KEL: variants seen among roughly 807,000 people sequenced by gnomAD.
The protein encoded by KEL is Kell metallo-endopeptidase (Kell blood group).
Under a neutral mutation model 99.5 loss-of-function variants are expected in KEL, and 96 were observed. The ratio of observed to expected loss-of-function variants is 0.97; its 90% CI spans 0.82 to 1.14. The LOEUF (loss-of-function observed/expected upper bound fraction) is 1.14. KEL is among the 50% of genes most tolerant of loss of function. KEL has a pLI of 0.00. For missense variants in KEL, 926 were observed against 924.2 expected, an observed-to-expected ratio of 1.00 and a Z score of -0.03; for synonymous variants, 355 against 354.8, an observed-to-expected ratio of 1.00 and a Z score of -0.01.
At chr7:142,959,862 G>A (rs1586272345) in intron 4 of KEL, among the ~76,000 whole-genome samples, 1 of 151,858 alleles carries the variant, frequency 6.6e-6, no homozygotes, top group Non-Finnish European at 1.5e-5. Flanking sequence ...CCAAAGAGAG[G>A]CCCCCTCCCA....
At chr7:142,949,131 G>A (rs1796609543) in intron 10 of KEL, among the ~76,000 whole-genome samples, 3 of 152,182 alleles carry the variant, frequency 2.0e-5, no homozygotes, top group Admixed American at 2.0e-4. Context: ...GTGGTTCAGT[G>A]ACACCAGTTG....
intron 9 of KEL, 126 bp downstream of exon 9, chr7:142,953,682 T>C: frequency 8.9e-7 from 1 of 1,120,008 alleles, no homozygotes; most frequent in Non-Finnish European, 1.3e-6. Context: ...AGGTGGCAGG[T>C]TCCTCTTATC....
Position 142,952,541 on chromosome 7 carries a change from T to C in KEL, c.1171A>G (p.Lys391Glu), listed in dbSNP as rs1397925796. Residue 391 changes from lysine to glutamate, a missense_variant, in exon 10 of 19, where the codon AAA becomes GAA. Lys to Glu is a moderately conservative substitution (Grantham distance 56). Coordinates refer to ENST00000355265, the MANE Select transcript of KEL (RefSeq NM_000420.3). Reference sequence around the variant, plus strand: ...GGTTGCTCTGTCAGTTCCCGCAGTTTCTGGCTGAGCTTTCTGCGTGCCTCC... The same window carrying C: ...GGTTGCTCTGTCAGTTCCCGCAGTTCCTGGCTGAGCTTTCTGCGTGCCTCC... ...FQEARRKLSQKLRELTEQPPM... is the reference protein window; with the variant it reads ...FQEARRKLSQELRELTEQPPM... 2 of 1,613,984 alleles carry C rather than the reference T, an allele frequency of 1.2e-6. No individual in the cohort carries two copies. Among genetic ancestry groups the C allele is most frequent in the African/African-American group, 2.7e-5 (2 of 74,912 alleles).
At chr7:142,962,001 G>T in intron 1 of KEL, 129 bp from the exon 2 acceptor site, 1 of 1,609,594 alleles carries the variant, frequency 6.2e-7, no homozygotes, top group Admixed American at 1.7e-5. Context: ...TTTTTATCTC[G>T]GAGCAGTGTT....
Position 142,958,444 on chromosome 7 carries a change from G to A in KEL, c.401-16C>T. ...TTCTGGACCTCTAGAAAGGAAGCAT[G>A]GGAGTGAGGACTAAACTCTGATTTT... On this transcript the variant is annotated splice_polypyrimidine_tract_variant and intron_variant, in intron 4 of 18. Coordinates refer to ENST00000355265, the MANE Select transcript of KEL (RefSeq NM_000420.3). The A allele has an allele frequency of 6.2e-7, 1 of 1,613,406 alleles. No homozygotes were observed.
rs147342331 is a variant in KEL, at chr7:142,943,238, C to T, written c.1771+38G>A. On this transcript the variant is annotated intron_variant, in intron 16 of 18. Transcript: ENST00000355265. ...CTCCCTTGTGGTCTTCCCTTAGGTT[C>T]CCTATTATCCCACCTCCCAGTGGCC... The T allele has an allele frequency of 2.9e-5, 46 of 1,608,106 alleles. No homozygotes were observed. In the African/African-American group the frequency reaches 4.8e-4, roughly 17 times the overall value.
rs1317463081 is a variant in KEL at position 142,954,478 on chromosome 7, TTC to T, written c.720_721del (p.Lys241AspfsTer98). On this transcript the variant is annotated frameshift_variant, in exon 7 of 19. Transcript: ENST00000355265. LOFTEE classifies it high-confidence loss of function. ...GTGCCATCTTACCTGGGCATAGATC[TTC>T]TGTTCTTGATCTTGCTTGAGGGGAA... 1 of 1,614,082 alleles carries T rather than the reference TTC, an allele frequency of 6.2e-7. No individual in the cohort carries two copies. The highest frequency in any genetic ancestry group is 1.6e-4 in the Middle Eastern group (1 of 6,062).
rs1361498551 is a variant in KEL, at chr7:142,957,906, ATCAGAAGTCTCAGCGTTC to A, written c.575_592del (p.Arg192_Met198delinsLeu). ...GAAAGGGAAATGGCCATACTGACTC[ATCAGAAGTCTCAGCGTTC>A]GGTTAAAGTTTAAGGAAGTCCATTT... On this transcript the variant is annotated inframe_deletion, in exon 6 of 19. Coordinates refer to ENST00000355265, the MANE Select transcript of KEL (RefSeq NM_000420.3). 6.2e-7 allele frequency: 1 copy of A among 1,614,014 alleles called. No homozygotes were observed. The highest frequency in any genetic ancestry group is 2.2e-5 in the East Asian group (1 of 44,884).
Position 142,953,963 on chromosome 7 carries a change from G to C in KEL, c.925-7C>G, listed in dbSNP as rs1796758010. Reference sequence around the variant, plus strand: ...CGATGGCGGGGGCCATTTCCTTAGAGGAGGGACACAAAGCTGAGGGGGAAA... The same window carrying C: ...CGATGGCGGGGGCCATTTCCTTAGACGAGGGACACAAAGCTGAGGGGGAAA... On this transcript the variant is annotated splice_region_variant and splice_polypyrimidine_tract_variant and intron_variant, in intron 8 of 18. Coordinates refer to ENST00000355265, the MANE Select transcript of KEL (RefSeq NM_000420.3). 2 of 1,613,548 alleles carry C rather than the reference G, an allele frequency of 1.2e-6. No individual in the cohort carries two copies. Among genetic ancestry groups the C allele is most frequent in the Non-Finnish European group, 1.7e-6 (2 of 1,179,664 alleles).
At chr7:142,943,445 C>G in intron 15 of KEL, 41 bp downstream of exon 15, 1 of 1,606,532 alleles carries the variant, frequency 6.2e-7, no homozygotes, top group Non-Finnish European at 8.5e-7. Flanking sequence ...GTCGGCCCCT[C>G]TTGGGAAACT....
In KEL at chr7:142,961,436, C is replaced by T; in HGVS notation, c.147G>A (p.Leu49=). ...GCAGGCCCAAAATCAGGATAGCTGT[C>T]AGCACCCGCCTGGCCACTGCCCATG... is the stretch of plus-strand genomic sequence containing the variant. ...SRPWAVARRV[L]TAILILGLLL... The change falls in exon 3 of 19, where the codon CTG becomes CTA. Residue 49 remains leucine, a synonymous_variant. Transcript: ENST00000355265. 1 of 1,613,414 alleles carries T rather than the reference C, an allele frequency of 6.2e-7. No individual in the cohort carries two copies. The highest frequency in any genetic ancestry group is 1.7e-4 in the Middle Eastern group (1 of 5,768).
At position 142,953,664 on chromosome 7, in the gene KEL, G is replaced by C; in HGVS notation, c.1073+144C>G. 11 of 982,248 alleles carry C rather than the reference G, an allele frequency of 1.1e-5. No homozygotes were observed. The South Asian group carries it at 1.4e-4, about 13-fold the overall frequency. 60.8% of individuals were successfully genotyped at this position (982,248 alleles called of 1,614,324 possible). A position where few individuals can be genotyped will look rare whatever the true frequency, so the allele number is the denominator to read the frequency against. ...TGTGCCACCCACCCCACGCTTCTCT[G>C]CCCGCACAGGTGGCAGGTTCCTCTT... On this transcript the variant is annotated intron_variant, in intron 9 of 18. Transcript: ENST00000355265.
At position 142,961,363 on chromosome 7, in the gene KEL, G is replaced by T. The variant is rs1796954571; in HGVS notation, c.220C>A (p.Pro74Thr). ...GGGGGTCTGGGATCTTGCTTACGAG[G>T]GCCACAGTTCTGGAAGTTGTAGAAC... ...LLFYNFQNCG[P>T]RPCETSVCLD... Residue 74 changes from proline to threonine, a missense_variant, in exon 3 of 19, where the codon CCT (proline) becomes ACT (threonine). By Grantham distance (38) the Pro-to-Thr change is conservative. Transcript: ENST00000355265. The T allele has an allele frequency of 6.2e-7, 1 of 1,613,086 alleles. No individual in the cohort carries two copies. The highest frequency in any genetic ancestry group is 1.1e-5 in the South Asian group (1 of 91,038).
At position 142,942,896 on chromosome 7, in the gene KEL, C is replaced by G; in HGVS notation, c.1920G>C (p.Gly640=). ...LTFLENAADV[G]GLAIALQAYS... ...ATACCTGCAGCGCGATGGCTAGCCC[C>G]CCAACGTCTGCAGCATTCTCTAAGA... Residue 640 remains glycine (G), a synonymous_variant, in exon 17 of 19, where the codon GGG becomes GGC. Transcript: ENST00000355265. The G allele has an allele frequency of 6.2e-7, 1 of 1,614,182 alleles. No homozygotes were observed. The highest frequency in any genetic ancestry group is 8.5e-7 in the Non-Finnish European group (1 of 1,180,026).
intron 8 of KEL, 53 bp from the exon 9 acceptor site, chr7:142,954,009 A>G (rs750948133): frequency 2.0e-5 from 32 of 1,605,972 alleles, no homozygotes; most frequent in Non-Finnish European, 2.6e-5. Flanking sequence ...AAGGAAGGGG[A>G]AAGGGCTTCC....
At chr7:142,942,780 A>T in intron 17 of KEL, 95 bp downstream of exon 17, 2 of 1,473,646 alleles carry the variant, frequency 1.4e-6, no homozygotes, top group Non-Finnish European at 1.9e-6. Context: ...AAGCCATGCA[A>T]CTGTACTTGT....
intron 11 of KEL, among the ~76,000 whole-genome samples, chr7:142,945,288 A>G (rs1404974707): frequency 1.3e-5 from 2 of 152,190 alleles, no homozygotes; most frequent in Non-Finnish European, 1.5e-5. Context: ...ATGAAAGGCA[A>G]TATCGAGAGC....
At chr7:142,950,825 T>C (rs1796666556) in intron 10 of KEL, among the ~76,000 whole-genome samples, 2 of 152,214 alleles carry the variant, frequency 1.3e-5, no homozygotes, top group East Asian at 3.8e-4. Flanking sequence ...CTGTATAGTG[T>C]GTGGTTAAAA....
intron 10 of KEL, among the ~76,000 whole-genome samples, chr7:142,949,137 A>G (rs1796609940): frequency 6.6e-6 from 1 of 152,198 alleles, no homozygotes; most frequent in Admixed American, 6.5e-5. Flanking sequence ...CAGTGACACC[A>G]GTTGTCGAAA....
Sources: gnomAD v4.1 joint callset for allele counts (sites outside exome capture counted in the v4.1 genomes callset) on GRCh38, gnomAD v4.1.1 for gene constraint, MANE v1.5 for transcripts, NCBI Gene and HGNC (gene_info 2026-07-23, HGNC 2026-07-21) for gene names.